DGKI: variants seen among roughly 807,000 people sequenced by gnomAD.
DGKI encodes DAG kinase iota.
Under a neutral mutation model 147.5 loss-of-function variants are expected in DGKI, and 55 were observed. The ratio of observed to expected loss-of-function variants is 0.37; its 90% CI spans 0.30 to 0.47. The LOEUF is 0.47. DGKI is among the 20% of genes least tolerant of loss of function. DGKI has a pLI of 1.00. For missense variants in DGKI, 1,007 were observed against 1,323.8 expected (o/e 0.76, Z 3.71); for synonymous variants, 469 against 477.1 (o/e 0.98, Z 0.22).
At chr7:137,750,712 G>C (rs1238072756) in intron 1 of DGKI, among the ~76,000 whole-genome samples, 1 of 152,114 alleles carries the variant, frequency 6.6e-6, no homozygotes, top group Non-Finnish European at 1.5e-5. Flanking sequence ...AAGGCAACGG[G>C]GAGAAGACAG....
At chr7:137,483,649 A>G (rs981042742) in intron 23 of DGKI, among the ~76,000 whole-genome samples, 2 of 151,922 alleles carry the variant, frequency 1.3e-5, no homozygotes, top group African/African-American at 4.8e-5. Context: ...CTCTGTGTCC[A>G]TGTGTTCTCA....
At chr7:137,769,426 A>T (rs1796118129) in intron 1 of DGKI, among the ~76,000 whole-genome samples, 1 of 152,202 alleles carries the variant, frequency 6.6e-6, no homozygotes, top group South Asian at 2.1e-4. Context: ...AACAATTAAG[A>T]ATTAGTTTTA....
Position 137,846,002 on chromosome 7 carries a change from AAGGTTCATCC to A in DGKI, c.401+450_401+459del, listed in dbSNP as rs1186331887. On this transcript the variant is annotated intron_variant, in intron 1 of 32. Transcript: ENST00000614521. This position sits in a 1 kb window ranked among gnomAD's most constrained non-coding sequence, Gnocchi z 4.0. Reference sequence around the variant, plus strand: ...GATCTCAGCTGTCAAGTTAGTGCCAAAGGTTCATCCAGCGAAATCTGGAAGGTGGGGGAAG... The same window carrying A: ...GATCTCAGCTGTCAAGTTAGTGCCAAAGCGAAATCTGGAAGGTGGGGGAAG... Among the ~76,000 whole-genome samples the A allele has an allele frequency of 2.6e-5, 4 of 152,150 alleles. No individual in the cohort carries two copies. The highest frequency in any genetic ancestry group is 5.9e-5 in the Non-Finnish European group (4 of 68,034).
At chr7:137,675,877 A>G (rs1022097077) in intron 3 of DGKI, among the ~76,000 whole-genome samples, 1 of 152,150 alleles carries the variant, frequency 6.6e-6, no homozygotes, top group East Asian at 1.9e-4. Context: ...ACAGATAGCA[A>G]GTCACTTCTC....
At chr7:137,621,336 G>A (rs937376833) in intron 7 of DGKI, among the ~76,000 whole-genome samples, 5 of 151,950 alleles carry the variant, frequency 3.3e-5, no homozygotes, top group African/African-American at 9.7e-5. Flanking sequence ...ATTAGGGATC[G>A]CAGAGACTGC....
intron 32 of DGKI, among the ~76,000 whole-genome samples, chr7:137,395,391 A>G (rs1367480988): frequency 6.6e-6 from 1 of 152,214 alleles, no homozygotes; most frequent in Non-Finnish European, 1.5e-5. Context: ...ATAAAGCCCC[A>G]TAGGCAAGCA....
chr7:137,424,712 A>C (rs1812716858), intron 28 of DGKI, among the ~76,000 whole-genome samples: 1 of 152,198 alleles, frequency 6.6e-6, no homozygotes, highest in Non-Finnish European at 1.5e-5. Flanking sequence ...AACGGGCTTA[A>C]AAAACGGCAC....
intron 1 of DGKI, among the ~76,000 whole-genome samples, chr7:137,766,942 T>TGCTGACATCTGAG (rs1796031790): frequency 6.6e-6 from 1 of 152,226 alleles, no homozygotes; most frequent in Admixed American, 6.5e-5. Context: ...AGCTTCCAGA[T>TGCTGACATCTGAG]GCTGACATCT....
At chr7:137,808,927 C>T (rs145313773) in intron 1 of DGKI, among the ~76,000 whole-genome samples, 64 of 152,276 alleles carry the variant, frequency 4.2e-4, no homozygotes, top group African/African-American at 1.5e-3. Context: ...GAAGAAGTGG[C>T]CTCAGAATCA....
At chr7:137,652,781 G>A (rs115321574) in intron 5 of DGKI, among the ~76,000 whole-genome samples, 2,250 of 152,210 alleles carry the variant, frequency 0.015, 36 homozygotes, top group South Asian at 0.052. Context: ...AGCAATTATA[G>A]CATTCATATT....
intron 1 of DGKI, among the ~76,000 whole-genome samples, chr7:137,778,141 A>G (rs1796413343): frequency 6.6e-6 from 1 of 152,240 alleles, no homozygotes; most frequent in South Asian, 2.1e-4. Context: ...TGAGTAGCCC[A>G]CTTTCAATAA....
At chr7:137,697,999 CAGAT>C (rs143988194) in intron 1 of DGKI, among the ~76,000 whole-genome samples, 1,638 of 150,590 alleles carry the variant, frequency 0.011, 38 homozygotes, top group African/African-American at 0.038. Flanking sequence ...TCCAGATCTC[CAGAT>C]AGATAGCTAT....
chr7:137,575,964 T>G (rs1818955255), intron 17 of DGKI, among the ~76,000 whole-genome samples: 1 of 152,096 alleles, frequency 6.6e-6, no homozygotes, highest in South Asian at 2.1e-4. Flanking sequence ...CTCATTAGCT[T>G]AAGATCATAT....
intron 1 of DGKI, among the ~76,000 whole-genome samples, chr7:137,840,808 A>G (rs561930407): frequency 2.0e-5 from 3 of 152,396 alleles, no homozygotes; most frequent in Admixed American, 6.5e-5. Flanking sequence ...AAATGTATTT[A>G]TTCAATAAAT....
intron 26 of DGKI, among the ~76,000 whole-genome samples, chr7:137,464,022 A>G (rs1814553786): frequency 6.6e-6 from 1 of 151,994 alleles, no homozygotes; most frequent in Non-Finnish European, 1.5e-5. Context: ...AGGCTACTTT[A>G]TTTTTGGAGC....
At chr7:137,631,571 G>A (rs561683577) in intron 6 of DGKI, among the ~76,000 whole-genome samples, 4 of 152,080 alleles carry the variant, frequency 2.6e-5, no homozygotes, top group Non-Finnish European at 5.9e-5. Context: ...GGAGAGAGTG[G>A]GGGACTGGAT....
At position 137,391,409 on chromosome 7, in the gene DGKI, A is replaced by T. The variant is rs1417294100; in HGVS notation, c.3058-73T>A. 3 of 1,077,776 alleles carry T rather than the reference A, an allele frequency of 2.8e-6. No homozygotes were observed. The East Asian group carries it at 7.5e-5, about 27-fold the overall frequency. 66.8% of individuals were successfully genotyped at this position (1,077,776 alleles called of 1,614,324 possible). On this transcript the variant is annotated intron_variant, in intron 32 of 32. Transcript: ENST00000614521. ...CAAGCGCTAGTCGTGAAATACAAAA[A>T]CAAAAAACAAAACAAAACAAAAATC...
At chr7:137,593,385 A>T (rs1390123213) in intron 12 of DGKI, among the ~76,000 whole-genome samples, 1 of 152,212 alleles carries the variant, frequency 6.6e-6, no homozygotes, top group Non-Finnish European at 1.5e-5. Flanking sequence ...AGAAAATACA[A>T]ATTTATCACA....
intron 19 of DGKI, among the ~76,000 whole-genome samples, chr7:137,570,095 T>A (rs1818742534): frequency 6.6e-6 from 1 of 152,110 alleles, no homozygotes; most frequent in African/African-American, 2.4e-5. Flanking sequence ...TTTTGATTTG[T>A]TTAGAATGAG....
Sources: allele counts gnomAD v4.1 joint callset (sites outside exome capture counted in the v4.1 genomes callset), GRCh38; gene constraint gnomAD v4.1.1; non-coding constraint Gnocchi (gnomAD v3.1); transcripts MANE v1.5; gene names NCBI Gene and HGNC (gene_info 2026-07-23, HGNC 2026-07-21).